SAMD12: variants seen among roughly 807,000 people sequenced by gnomAD.
SAMD12 encodes the protein sterile alpha motif domain-containing protein 12.
A neutral mutation model predicts 15.0 loss-of-function variants in SAMD12; 9 were observed. That is an observed-to-expected ratio of 0.60 (90% CI 0.36 to 1.05). The LOEUF is 1.05. SAMD12 is among the 50% of genes least tolerant of loss of function. The pLI is 0.01. For synonymous variants in SAMD12, 86 were observed against 90.1 expected (o/e 0.96, Z 0.25); for missense variants, 230 against 234.2 (o/e 0.98, Z 0.12).
intron 2 of SAMD12, among the ~76,000 whole-genome samples, chr8:118,444,469 C>T (rs934303531): frequency 1.3e-5 from 2 of 151,752 alleles, no homozygotes; most frequent in African/African-American, 2.4e-5. Context: ...TGATGCCTTT[C>T]TGTTTTACAG....
intron 4 of SAMD12, among the ~76,000 whole-genome samples, chr8:118,307,713 T>C (rs1032204463): frequency 1.3e-5 from 2 of 152,322 alleles, no homozygotes; most frequent in Middle Eastern, 3.4e-3. Flanking sequence ...TGGGGGTGTG[T>C]GTGCTAAATA....
chr8:118,557,037 C>G (rs1227617552), intron 2 of SAMD12, among the ~76,000 whole-genome samples: 2 of 152,150 alleles, frequency 1.3e-5, no homozygotes, highest in Admixed American at 6.5e-5. Context: ...AGGGCCATAA[C>G]AGAGGAACAA....
the SAMD12 span, among the ~76,000 whole-genome samples, chr8:118,178,452 G>GGTTTTTTTTAAATTAAAAAAAATT: frequency 1.3e-5 from 2 of 152,004 alleles, no homozygotes; most frequent in Admixed American, 6.6e-5. Context: ...TCAAACACTA[G>GGTTTTTTTTAAATTAAAAAAAATT]GTTTTTTTTA....
At chr8:118,533,577 G>A (rs1480377831) in intron 2 of SAMD12, among the ~76,000 whole-genome samples, 1 of 152,192 alleles carries the variant, frequency 6.6e-6, no homozygotes, top group African/African-American at 2.4e-5. Flanking sequence ...GGGAGTCTAA[G>A]TCTCTTTGTA....
chr8:118,521,815 T>C (rs1334404515), intron 2 of SAMD12, among the ~76,000 whole-genome samples: 2 of 152,196 alleles, frequency 1.3e-5, no homozygotes, highest in Admixed American at 6.5e-5. Flanking sequence ...TTTGTTGGCA[T>C]TCAACCAGAC....
intron 1 of SAMD12, among the ~76,000 whole-genome samples, chr8:118,585,440 GAATTT>G (rs1420363980): frequency 1.3e-5 from 2 of 151,908 alleles, no homozygotes. Flanking sequence ...TTAAAATGAT[GAATTT>G]AATGTATATT....
chr8:118,560,286 T>A (rs1418520518), intron 2 of SAMD12, among the ~76,000 whole-genome samples: 1 of 152,238 alleles, frequency 6.6e-6, no homozygotes, highest in East Asian at 1.9e-4. Flanking sequence ...TAAGGAGAAG[T>A]TGAGGTGGAC....
chr8:118,562,289 T>C (rs1403423889), intron 2 of SAMD12, among the ~76,000 whole-genome samples: 2 of 152,086 alleles, frequency 1.3e-5, no homozygotes, highest in Non-Finnish European at 2.9e-5. Context: ...AGGAGAGAAG[T>C]TGGGCCTGAA....
At chr8:118,304,632 C>T (rs746957795) in intron 4 of SAMD12, among the ~76,000 whole-genome samples, 11 of 151,882 alleles carry the variant, frequency 7.2e-5, no homozygotes, top group South Asian at 6.3e-4. Context: ...TGGTGGTGTG[C>T]GCCTGTAGTC....
chr8:118,523,442 T>C lies in SAMD12; in HGVS notation c.192+57273A>G, dbSNP rs138649181. Reference sequence around the variant, plus strand: ...GTGCTCTCCCTTTTCACTGCTATCATGCCTATTTCTGTAAATCACATAGAC... The same window carrying C: ...GTGCTCTCCCTTTTCACTGCTATCACGCCTATTTCTGTAAATCACATAGAC... On this transcript the variant is annotated intron_variant, in intron 2 of 3. Transcript: ENST00000314727. Among the ~76,000 whole-genome samples, 345 of 152,298 alleles carry C rather than the reference T, an allele frequency of 2.3e-3. 1 individual carries two copies. The highest frequency in any genetic ancestry group is 6.9e-3 in the African/African-American group (287 of 41,556).
rs539955474 is a variant in SAMD12 at position 118,499,032 on chromosome 8, T to C, written c.193-59071A>G. Among the ~76,000 whole-genome samples, 236 of 152,316 alleles carry C rather than the reference T, an allele frequency of 1.5e-3. 1 individual carries two copies. Among genetic ancestry groups the C allele is most frequent in the African/African-American group, 5.1e-3 (213 of 41,576 alleles). ...TATTATCTGTCAGAATAGGCTAGGT[T>C]CTGCTGCAGTAATGAACAACCCCCA... On this transcript the variant is annotated intron_variant, in intron 2 of 3. Transcript: ENST00000314727.
At chr8:118,351,340 T>C (rs189058181) in intron 4 of SAMD12, among the ~76,000 whole-genome samples, 60 of 152,290 alleles carry the variant, frequency 3.9e-4, no homozygotes, top group African/African-American at 1.4e-3. Flanking sequence ...AGATCAAAGC[T>C]GGGTCAATTA....
At chr8:118,217,879 G>C (rs772105487) in intron 4 of SAMD12, among the ~76,000 whole-genome samples, 1 of 152,148 alleles carries the variant, frequency 6.6e-6, no homozygotes, top group Non-Finnish European at 1.5e-5. Context: ...ATTTCTGGAT[G>C]TGCTGTTCCT....
chr8:118,586,568 C>G (rs1361356367), intron 1 of SAMD12, among the ~76,000 whole-genome samples: 1 of 152,126 alleles, frequency 6.6e-6, no homozygotes, highest in Non-Finnish European at 1.5e-5. Context: ...GTCTTAGACT[C>G]CTGGGCTCAA....
chr8:118,405,903 T>C (rs1401224327), intron 3 of SAMD12, among the ~76,000 whole-genome samples: 1 of 152,168 alleles, frequency 6.6e-6, no homozygotes, highest in Non-Finnish European at 1.5e-5. Flanking sequence ...ATGTTAACAG[T>C]AGATGGAAAT....
chr8:118,459,056 A>G (rs892501499), intron 2 of SAMD12, among the ~76,000 whole-genome samples: 20 of 120,852 alleles, frequency 1.7e-4, no homozygotes, highest in African/African-American at 6.8e-4. Flanking sequence ...CTACCCAGGA[A>G]AGGTATCAAA....
chr8:118,210,787 G>C (rs573198222), intron 4 of SAMD12, among the ~76,000 whole-genome samples: 1 of 152,196 alleles, frequency 6.6e-6, no homozygotes, highest in South Asian at 2.1e-4. Context: ...CTTTCTGTAA[G>C]AGCAAGTGCT....
intron 4 of SAMD12, among the ~76,000 whole-genome samples, chr8:118,292,377 T>C (rs77766976): frequency 0.16 from 9,226 of 57,642 alleles, 330 homozygotes; most frequent in African/African-American, 0.26. Context: ...CACACACACA[T>C]ATTCCGGAGA....
chr8:118,245,955 G>A (rs1812681257), intron 4 of SAMD12, among the ~76,000 whole-genome samples: 1 of 152,296 alleles, frequency 6.6e-6, no homozygotes, highest in South Asian at 2.1e-4. Context: ...AGCAGCTGCA[G>A]GAGGTAGGCA....
Sources: gnomAD v4.1 joint callset for allele counts (sites outside exome capture counted in the v4.1 genomes callset) on GRCh38, gnomAD v4.1.1 for gene constraint, MANE v1.5 for transcripts, NCBI Gene and HGNC (gene_info 2026-07-23, HGNC 2026-07-21) for gene names.